TNS1: variants seen among roughly 807,000 people sequenced by gnomAD.
The protein encoded by TNS1 is tensin-1.
Under a neutral mutation model 168.6 loss-of-function variants are expected in TNS1, and 62 were observed. The ratio of observed to expected loss-of-function variants is 0.37; its 90% CI spans 0.30 to 0.45. TNS1 has a LOEUF of 0.45. Ranked by LOEUF, TNS1 falls within the 20% of genes least tolerant of loss-of-function variation. The probability of loss-of-function intolerance (pLI) is 1.00; values close to 1 mark genes in which losing one functional copy is unlikely to be tolerated. For synonymous variants in TNS1, 934 were observed against 933.2 expected (o/e 1.00, Z -0.02); for missense variants, 2,240 against 2,339.4 (o/e 0.96, Z 0.88).
upstream of TNS1, among the ~76,000 whole-genome samples, chr2:218,005,978 C>G (rs553411857): frequency 6.6e-6 from 1 of 152,356 alleles, no homozygotes; most frequent in South Asian, 2.1e-4. Context: ...TGCCCAGACC[C>G]CTGTCTCACA....
At chr2:217,993,084 G>C (rs1403130141) in intron 1 of TNS1, among the ~76,000 whole-genome samples, 1 of 152,182 alleles carries the variant, frequency 6.6e-6, no homozygotes, top group Non-Finnish European at 1.5e-5. Flanking sequence ...GTGACATGCT[G>C]TGCGGGATTT....
chr2:217,821,799 A>G lies in TNS1; in HGVS notation c.3513T>C (p.Gly1171=), dbSNP rs909707700. Reference sequence around the variant, plus strand: ...GGGGGCTGGGGGAGACAAAGGAGCCACCCAGGGTCCCGTTCCTCAGGGGTA... The same window carrying G: ...GGGGGCTGGGGGAGACAAAGGAGCCGCCCAGGGTCCCGTTCCTCAGGGGTA... ...HEIPLRNGTL[G]GSFVSPSPLS... The change falls in exon 23 of 33, where the codon GGT becomes GGC. Residue 1171 remains glycine (G), a synonymous_variant. Coordinates refer to ENST00000682258, the MANE Select transcript of TNS1 (RefSeq NM_001387777.1). 7.5e-5 allele frequency: 115 copies of G among 1,541,292 alleles called. No homozygotes were observed. The highest frequency in any genetic ancestry group is 9.9e-5 in the Non-Finnish European group (114 of 1,146,440).
At chr2:217,898,835 C>G (rs1350481293) in intron 7 of TNS1, among the ~76,000 whole-genome samples, 1 of 152,192 alleles carries the variant, frequency 6.6e-6, no homozygotes, top group East Asian at 1.9e-4. Context: ...TACATCTCTC[C>G]CAACTTTTCT....
chr2:217,859,705 T>C, intron 18 of TNS1: 11 of 1,535,098 alleles, frequency 7.2e-6, no homozygotes, highest in Non-Finnish European at 8.7e-6. Flanking sequence ...TTCCCATCTG[T>C]GGAAATCATG....
intron 22 of TNS1, among the ~76,000 whole-genome samples, chr2:217,825,403 C>T (rs1480352874): frequency 1.3e-5 from 2 of 152,134 alleles, no homozygotes; most frequent in East Asian, 1.9e-4. Context: ...GCTCCCTGCT[C>T]CTGATAGGGA....
chr2:217,968,001 G>A (rs1262597953), intron 3 of TNS1, among the ~76,000 whole-genome samples: 1 of 152,062 alleles, frequency 6.6e-6, no homozygotes, highest in African/African-American at 2.4e-5. Flanking sequence ...TTTAACAACT[G>A]AAAATCAATT....
chr2:217,843,947 C>T (rs1163426961), intron 19 of TNS1, among the ~76,000 whole-genome samples: 1 of 152,168 alleles, frequency 6.6e-6, no homozygotes, highest in African/African-American at 2.4e-5. Context: ...CAAAGTTCAG[C>T]TGCCTTCCAT....
intron 18 of TNS1, among the ~76,000 whole-genome samples, chr2:217,879,986 G>A (rs150270392): frequency 2.6e-5 from 4 of 152,304 alleles, no homozygotes; most frequent in African/African-American, 9.6e-5. Flanking sequence ...CCTCTGGGAA[G>A]GGTCTCAGTC....
At chr2:217,850,594 C>CAA (rs1947334330) in intron 18 of TNS1, 1 of 741,896 alleles carries the variant, frequency 1.3e-6, no homozygotes, top group Non-Finnish European at 1.6e-6. Flanking sequence ...CACACACACA[C>CAA]ACACACACAC....
intron 3 of TNS1, among the ~76,000 whole-genome samples, chr2:217,967,315 G>A (rs1020977956): frequency 3.0e-4 from 46 of 151,498 alleles, no homozygotes; most frequent in Admixed American, 2.2e-3. Context: ...AGCGAGACTC[G>A]GTCTCAAAAA....
intron 2 of TNS1, among the ~76,000 whole-genome samples, chr2:217,982,458 C>T (rs1399677556): frequency 2.0e-5 from 3 of 148,254 alleles, no homozygotes; most frequent in Non-Finnish European, 4.4e-5. Context: ...GGCTGGAGTG[C>T]AGTGGCACAA....
chr2:217,875,789 G>A (rs1356376149), intron 18 of TNS1, among the ~76,000 whole-genome samples: 1 of 152,210 alleles, frequency 6.6e-6, no homozygotes, highest in Non-Finnish European at 1.5e-5. Context: ...GGGAGTGGAT[G>A]GGCACCCTTT....
In TNS1 at chr2:217,892,964, T is replaced by C. The variant is rs1381015686; in HGVS notation, c.766A>G (p.Ser256Gly). The change falls in exon 11 of 33, where the codon AGC becomes GGC. Residue 256 changes from serine to glycine, a missense_variant. This residue lies in a region of TNS1 where 2,131 missense variants were observed against 2,171.2 expected (regional missense o/e 0.98). Coordinates refer to ENST00000682258, the MANE Select transcript of TNS1 (RefSeq NM_001387777.1). ...GVVIAAYMHYSNISASADQAL... is the reference protein window; with the variant it reads ...GVVIAAYMHYGNISASADQAL... ...CCCTCTTACCTGGCAGAAATGTTGCTGTAGTGCATGTAAGCCGCGATGACA... is the reference window on the plus strand; with the variant it reads ...CCCTCTTACCTGGCAGAAATGTTGCCGTAGTGCATGTAAGCCGCGATGACA... 1.2e-6 allele frequency: 2 copies of C among 1,614,198 alleles called. No individual in the cohort carries two copies. The highest frequency in any genetic ancestry group is 1.3e-5 in the African/African-American group (1 of 75,052).
intron 6 of TNS1, among the ~76,000 whole-genome samples, chr2:217,901,548 T>C (rs1317404821): frequency 6.6e-6 from 1 of 152,140 alleles, no homozygotes. Context: ...GGAAGGCCAG[T>C]TTCTAGATTC....
intron 22 of TNS1, among the ~76,000 whole-genome samples, chr2:217,824,147 G>A (rs756828586): frequency 1.3e-5 from 2 of 152,266 alleles, no homozygotes; most frequent in African/African-American, 2.4e-5. Context: ...AATGGGCATG[G>A]TTGGGTTGCA....
chr2:217,948,082 G>T lies in TNS1; in HGVS notation c.187-27846C>A, dbSNP rs1957156658. Among the ~76,000 whole-genome samples the T allele has an allele frequency of 6.6e-6, 1 of 152,130 alleles. No individual in the cohort carries two copies. The highest frequency in any genetic ancestry group is 2.4e-5 in the African/African-American group (1 of 41,414). On this transcript the variant is annotated intron_variant, in intron 3 of 32. Transcript: ENST00000682258. The surrounding 1 kb of genome is among the most constrained non-coding windows in gnomAD (Gnocchi z 4.1). ...CAGGTAACACAACTAGGAATTCCAG[G>T]TCCCAGCACTACCTCCGGAGGGCAC... is the stretch of plus-strand genomic sequence containing the variant.
chr2:217,844,469 C>T lies in TNS1; in HGVS notation c.3007+3041G>A, dbSNP rs559119111. Reference sequence around the variant, plus strand: ...ACAGACCCCAGGCTACCTATCCCGACTGTCACTCACACAGACCATATGTTC... The same window carrying T: ...ACAGACCCCAGGCTACCTATCCCGATTGTCACTCACACAGACCATATGTTC... On this transcript the variant is annotated intron_variant, in intron 19 of 32. Transcript: ENST00000682258. Among the ~76,000 whole-genome samples the T allele has an allele frequency of 1.8e-4, 28 of 152,296 alleles. No individual in the cohort carries two copies. The South Asian group carries it at 4.8e-3, about 26-fold the overall frequency.
At chr2:217,965,946 C>A (rs1488220111) in intron 3 of TNS1, among the ~76,000 whole-genome samples, 1 of 152,064 alleles carries the variant, frequency 6.6e-6, no homozygotes, top group East Asian at 1.9e-4. Flanking sequence ...CTCCACTGGT[C>A]TTTGTTCCCT....
chr2:217,809,604 G>GATGGATGGATGGATGGATGC lies in TNS1; in HGVS notation c.5273+218_5273+219insGCATCCATCCATCCATCCAT, dbSNP rs1559141813. The GATGGATGGATGGATGGATGC allele has an allele frequency of 6.7e-4, 74 of 111,068 alleles. 14 individuals are homozygous for GATGGATGGATGGATGGATGC. Among genetic ancestry groups the GATGGATGGATGGATGGATGC allele is most frequent in the East Asian group, 9.9e-4 (11 of 11,096 alleles). 6.9% of individuals were successfully genotyped at this position (111,068 alleles called of 1,614,324 possible). A position where few individuals can be genotyped will look rare whatever the true frequency, so the allele number is the denominator to read the frequency against. ...AGGTGCATGGATGGATGGATGGATG[G>GATGGATGGATGGATGGATGC]ATGGATGGGTGCATGGATGGGTGCA... On this transcript the variant is annotated intron_variant, in intron 30 of 32. Transcript: ENST00000682258.
Sources: allele counts gnomAD v4.1 joint callset (sites outside exome capture counted in the v4.1 genomes callset), GRCh38; gene constraint gnomAD v4.1.1; regional missense constraint gnomAD v4.1.1; non-coding constraint Gnocchi (gnomAD v3.1); transcripts MANE v1.5; gene names NCBI Gene and HGNC (gene_info 2026-07-23, HGNC 2026-07-21).